The following ZSWIM6 variants were observed in gnomAD, a reference collection of about 807,000 sequenced individuals.
ZSWIM6 encodes the protein zinc finger SWIM-type containing 6, also known as zinc finger SWIM domain-containing protein 6.
Under a neutral mutation model 113.2 loss-of-function variants are expected in ZSWIM6, and 9 were observed. The ratio of observed to expected loss-of-function variants is 0.08; its 90% CI spans 0.05 to 0.14. The LOEUF (loss-of-function observed/expected upper bound fraction) is 0.14. ZSWIM6 is among the 10% of genes least tolerant of loss of function. The pLI is 1.00. For synonymous variants in ZSWIM6, 611 were observed against 606.5 expected (o/e 1.01, Z -0.11); for missense variants, 1,162 against 1,552.2 (o/e 0.75, Z 4.22).
intron 1 of ZSWIM6, among the ~76,000 whole-genome samples, chr5:61,470,742 C>T (rs530424724): frequency 3.3e-5 from 5 of 152,156 alleles, no homozygotes; most frequent in African/African-American, 9.6e-5. Context: ...AATTTCTTAT[C>T]GTGAAGCAGT....
chr5:61,521,979 C>G (rs1749138472), intron 5 of ZSWIM6, among the ~76,000 whole-genome samples: 1 of 151,966 alleles, frequency 6.6e-6, no homozygotes, highest in Admixed American at 6.6e-5. Flanking sequence ...GAGGGGTTGT[C>G]TAGCCCACCT....
intron 2 of ZSWIM6, among the ~76,000 whole-genome samples, chr5:61,478,741 A>C (rs1473073612): frequency 1.3e-5 from 2 of 151,900 alleles, no homozygotes; most frequent in South Asian, 2.1e-4. Flanking sequence ...ATTTGTATAG[A>C]TATAACAGAT....
Position 61,544,108 on chromosome 5 carries a change from G to C in ZSWIM6, c.3439G>C (p.Gly1147Arg). 2 of 1,551,770 alleles carry C rather than the reference G, an allele frequency of 1.3e-6. No individual in the cohort carries two copies. The highest frequency in any genetic ancestry group is 1.7e-6 in the Non-Finnish European group (2 of 1,147,006). Residue 1147 changes from glycine (G) to arginine (R), a missense_variant, in exon 14 of 14, where the codon GGG (glycine) becomes CGG (arginine). Around this residue, in one of 4 missense-constraint regions of ZSWIM6, gnomAD observed 113 missense variants for 213.8 expected, o/e 0.53. Transcript: ENST00000252744. The stretch of plus-strand genomic sequence containing the variant: ...GAGGCAACTCTTGGATGCCACGATC[G>C]GGGCCTACATCAACACAACGCACTC... ...PLRQLLDATI[G>R]AYINTTHSRL...
chr5:61,539,302 G>A (rs1749665941), intron 11 of ZSWIM6, among the ~76,000 whole-genome samples: 1 of 152,188 alleles, frequency 6.6e-6, no homozygotes, highest in African/African-American at 2.4e-5. Context: ...TAGGAGAGCT[G>A]TTGCTGTCTC....
At chr5:61,522,515 A>G (rs1253923522) in intron 5 of ZSWIM6, among the ~76,000 whole-genome samples, 1 of 152,214 alleles carries the variant, frequency 6.6e-6, no homozygotes, top group Non-Finnish European at 1.5e-5. Flanking sequence ...AGTCTCTGCA[A>G]AGAAAGAAAA....
At chr5:61,381,331 T>C (rs1745469898) in intron 1 of ZSWIM6, among the ~76,000 whole-genome samples, 1 of 152,240 alleles carries the variant, frequency 6.6e-6, no homozygotes, top group South Asian at 2.1e-4. Context: ...CTATGTGTAT[T>C]CATAAACATT....
At chr5:61,481,125 G>A (rs772184216) in intron 2 of ZSWIM6, among the ~76,000 whole-genome samples, 8 of 152,124 alleles carry the variant, frequency 5.3e-5, no homozygotes, top group Non-Finnish European at 1.2e-4. Flanking sequence ...TGTTAACTTT[G>A]TAAACAAAAG....
At chr5:61,387,765 G>A (rs1745618158) in intron 1 of ZSWIM6, among the ~76,000 whole-genome samples, 1 of 151,650 alleles carries the variant, frequency 6.6e-6, no homozygotes, top group Non-Finnish European at 1.5e-5. Flanking sequence ...AAAAAAATTA[G>A]CTGGGCATGG....
chr5:61,508,671 T>C (rs1303464819), intron 4 of ZSWIM6, among the ~76,000 whole-genome samples: 2 of 152,180 alleles, frequency 1.3e-5, no homozygotes, highest in Admixed American at 6.6e-5. Context: ...TCTGGGTGAT[T>C]TTTATACATG....
chr5:61,492,911 CCA>C (rs976802815), intron 3 of ZSWIM6, among the ~76,000 whole-genome samples: 20 of 152,178 alleles, frequency 1.3e-4, no homozygotes, highest in African/African-American at 4.8e-4. Context: ...GAAGGACCAA[CCA>C]CCCCACCTTT....
Position 61,332,575 on chromosome 5 carries a change from C to T in ZSWIM6, c.303C>T (p.Ile101=), listed in dbSNP as rs1744276290. 3 of 1,363,754 alleles carry T rather than the reference C, an allele frequency of 2.2e-6. No individual in the cohort carries two copies. Among genetic ancestry groups the T allele is most frequent in the East Asian group, 3.9e-5 (1 of 25,714 alleles). The allele number at this position is 1,363,754 out of a possible 1,614,324, so 84.5% of individuals were successfully genotyped here. A position where few individuals can be genotyped will look rare whatever the true frequency, so the allele number is the denominator to read the frequency against. ...FQRVEERFER[I]PEPVQRRIVY... ...GCGTGGAGGAGCGCTTTGAGCGCAT[C>T]CCGGAGCCGGTGCAGCGCCGCATAG... Residue 101 remains isoleucine, a synonymous_variant, in exon 1 of 14, where the codon ATC becomes ATT. Coordinates refer to ENST00000252744, the MANE Select transcript of ZSWIM6 (RefSeq NM_020928.2).
At chr5:61,505,372 CTT>C (rs1435650623) in intron 4 of ZSWIM6, among the ~76,000 whole-genome samples, 1 of 152,096 alleles carries the variant, frequency 6.6e-6, no homozygotes, top group Non-Finnish European at 1.5e-5. Flanking sequence ...CCTTCCCTCT[CTT>C]GAAAAGGAGG....
Position 61,416,378 on chromosome 5 carries a change from C to T in ZSWIM6, c.677-56303C>T, listed in dbSNP as rs919212370. Among the ~76,000 whole-genome samples, 82 of 152,314 alleles carry T rather than the reference C, an allele frequency of 5.4e-4. 1 individual carries two copies. The highest frequency in any genetic ancestry group is 3.4e-3 in the Middle Eastern group (1 of 294). On this transcript the variant is annotated intron_variant, in intron 1 of 13. Transcript: ENST00000252744. ...TGAAATTTTTAATAAGAATTTTAGACACTCTAGCAGTAGTTTCCAGGAGCC... is the reference window on the plus strand; with the variant it reads ...TGAAATTTTTAATAAGAATTTTAGATACTCTAGCAGTAGTTTCCAGGAGCC...
At chr5:61,537,160 A>C (rs547500517) in intron 10 of ZSWIM6, among the ~76,000 whole-genome samples, 2 of 152,230 alleles carry the variant, frequency 1.3e-5, no homozygotes, top group African/African-American at 4.8e-5. Flanking sequence ...GTTCTGGCTT[A>C]TGTAATGGTA....
intron 2 of ZSWIM6, among the ~76,000 whole-genome samples, chr5:61,475,251 T>C (rs773391739): frequency 2.0e-5 from 3 of 152,190 alleles, no homozygotes; most frequent in Non-Finnish European, 4.4e-5. Flanking sequence ...ATCACTTTGT[T>C]CTCTTGAGTT....
At chr5:61,357,554 C>A (rs1744940988) in intron 1 of ZSWIM6, among the ~76,000 whole-genome samples, 1 of 151,046 alleles carries the variant, frequency 6.6e-6, no homozygotes, top group African/African-American at 2.4e-5. Flanking sequence ...GTAGACTGAA[C>A]CCAGAGAAAA....
chr5:61,426,291 A>G (rs1278917763), intron 1 of ZSWIM6, among the ~76,000 whole-genome samples: 1 of 152,232 alleles, frequency 6.6e-6, no homozygotes, highest in Non-Finnish European at 1.5e-5. Context: ...TTATTTGATA[A>G]TAATTTCAAT....
intron 12 of ZSWIM6, among the ~76,000 whole-genome samples, chr5:61,541,606 G>T (rs531747810): frequency 1.3e-5 from 2 of 152,314 alleles, no homozygotes; most frequent in African/African-American, 4.8e-5. Flanking sequence ...GATGAGAAAA[G>T]ATAGAGTAAC....
intron 1 of ZSWIM6, among the ~76,000 whole-genome samples, chr5:61,378,915 C>T (rs902454929): frequency 6.6e-6 from 1 of 151,900 alleles, no homozygotes; most frequent in Non-Finnish European, 1.5e-5. Flanking sequence ...CACGATGGCT[C>T]ACTCCTGTTA....
Sources: allele counts gnomAD v4.1 joint callset (sites outside exome capture counted in the v4.1 genomes callset), GRCh38; gene constraint gnomAD v4.1.1; regional missense constraint gnomAD v4.1.1; transcripts MANE v1.5; gene names NCBI Gene and HGNC (gene_info 2026-07-23, HGNC 2026-07-21).